The following ROBO2 variants were observed in gnomAD, a reference collection of about 807,000 sequenced individuals.
ROBO2 encodes roundabout homolog 2.
In ROBO2, 53 loss-of-function variants were observed where a neutral mutation model predicts 160.8. The ratio of observed to expected loss-of-function variants is 0.33; its 90% CI spans 0.26 to 0.41. The LOEUF (loss-of-function observed/expected upper bound fraction) is 0.41. Ranked by LOEUF, ROBO2 falls within the 10% of genes least tolerant of loss-of-function variation. The pLI is 1.00. For missense variants in ROBO2, 1,577 were observed against 1,722.4 expected (o/e 0.92, Z 1.49); for synonymous variants, 664 against 611.7 (o/e 1.09, Z -1.26).
intron 2 of ROBO2, among the ~76,000 whole-genome samples, chr3:76,347,692 C>A (rs2074611669): frequency 6.6e-6 from 1 of 151,720 alleles, no homozygotes. Context: ...GGTCATATTT[C>A]ACTCTCCCCT....
At position 76,006,677 on chromosome 3, in the gene ROBO2, T is replaced by A. The variant is rs374582482; in HGVS notation, c.109+69075T>A. Among the ~76,000 whole-genome samples, 5 of 152,132 alleles carry A rather than the reference T, an allele frequency of 3.3e-5. No individual in the cohort carries two copies. In the East Asian group the frequency reaches 7.7e-4, roughly 23 times the overall value. On this transcript the variant is annotated intron_variant, in intron 2 of 26. Coordinates refer to the ROBO2 transcript ENST00000487694. ...ATTAATATTAAAGAGTCTGTAAGAA[T>A]CTAGTTTAGTGCCTGAAATATAGTA...
intron 2 of ROBO2, among the ~76,000 whole-genome samples, chr3:76,084,403 T>A (rs1223235777): frequency 2.6e-5 from 4 of 152,180 alleles, no homozygotes; most frequent in African/African-American, 9.6e-5. Flanking sequence ...GAACCTTATG[T>A]CATTATATCA....
In ROBO2 at chr3:76,392,439, C is replaced by T. The variant is rs139439399; in HGVS notation, c.109+454837C>T. On this transcript the variant is annotated intron_variant, in intron 2 of 26. Transcript: ENST00000487694. ...TAAAAGCTATCATAGACATTAATAA[C>T]GTCACATATAAATTCCTGTTATACT... Among the ~76,000 whole-genome samples the T allele has an allele frequency of 1.3e-3, 191 of 152,180 alleles. 1 individual carries two copies. The highest frequency in any genetic ancestry group is 1.8e-3 in the African/African-American group (73 of 41,538).
chr3:77,537,179 T>C (rs2092172368), intron 6 of ROBO2, among the ~76,000 whole-genome samples: 2 of 151,696 alleles, frequency 1.3e-5, no homozygotes, highest in African/African-American at 2.4e-5. Context: ...CACATGGCAA[T>C]TCAGAAGCCA....
chr3:76,997,273 G>C (rs1188880370), intron 2 of ROBO2, among the ~76,000 whole-genome samples: 1 of 152,082 alleles, frequency 6.6e-6, no homozygotes, highest in Non-Finnish European at 1.5e-5. Context: ...ATTTTAAATT[G>C]ATCTGATAGT....
At chr3:76,048,246 G>A (rs1265091572) in intron 2 of ROBO2, among the ~76,000 whole-genome samples, 1 of 152,148 alleles carries the variant, frequency 6.6e-6, no homozygotes, top group Non-Finnish European at 1.5e-5. Flanking sequence ...CACTTCCTTT[G>A]CACAGTGGGG....
At chr3:76,497,051 C>T (rs997338686) in intron 2 of ROBO2, among the ~76,000 whole-genome samples, 2 of 152,172 alleles carry the variant, frequency 1.3e-5, no homozygotes, top group African/African-American at 4.8e-5. Context: ...CCTTTTGTGG[C>T]TTCTGTCTCC....
intron 2 of ROBO2, among the ~76,000 whole-genome samples, chr3:77,332,783 A>G (rs992719482): frequency 1.3e-5 from 2 of 152,224 alleles, no homozygotes; most frequent in Non-Finnish European, 2.9e-5. Context: ...CTTTAGCTCT[A>G]ATGTATAACA....
At chr3:77,619,222 A>C (rs2094848181) in intron 22 of ROBO2, among the ~76,000 whole-genome samples, 1 of 152,164 alleles carries the variant, frequency 6.6e-6, no homozygotes, top group Non-Finnish European at 1.5e-5. Context: ...CATGTGTAAA[A>C]TGATGGTGAT....
chr3:76,949,545 C>T (rs1316742785), intron 2 of ROBO2, among the ~76,000 whole-genome samples: 1 of 152,170 alleles, frequency 6.6e-6, no homozygotes, highest in Non-Finnish European at 1.5e-5. Context: ...TGTCCAAGAC[C>T]GAAGGGCTTC....
At chr3:75,947,783 A>G (rs1434540958) in intron 2 of ROBO2, among the ~76,000 whole-genome samples, 3 of 152,136 alleles carry the variant, frequency 2.0e-5, no homozygotes, top group African/African-American at 7.2e-5. Context: ...ACTCCCTCAT[A>G]CAAAGATCTT....
chr3:76,722,095 G>A (rs1347781841), intron 2 of ROBO2, among the ~76,000 whole-genome samples: 2 of 152,150 alleles, frequency 1.3e-5, no homozygotes, highest in Non-Finnish European at 2.9e-5. Context: ...GCAGGAAAGA[G>A]TGAACCAACT....
intron 2 of ROBO2, among the ~76,000 whole-genome samples, chr3:76,461,807 T>A (rs1003106990): frequency 6.6e-6 from 1 of 152,212 alleles, no homozygotes. Context: ...CCATCCTTTT[T>A]AAATATTTTT....
intron 2 of ROBO2, among the ~76,000 whole-genome samples, chr3:77,328,336 C>T (rs539574686): frequency 2.0e-5 from 3 of 152,048 alleles, no homozygotes; most frequent in Admixed American, 6.6e-5. Flanking sequence ...AAATTGTGAA[C>T]GGAATTATAT....
chr3:76,998,892 C>T (rs2061181515), intron 2 of ROBO2, among the ~76,000 whole-genome samples: 1 of 152,130 alleles, frequency 6.6e-6, no homozygotes, highest in African/African-American at 2.4e-5. Flanking sequence ...TAGTAAAACA[C>T]TTTTTAATGG....
At chr3:76,593,155 A>G (rs999631272) in intron 2 of ROBO2, among the ~76,000 whole-genome samples, 4 of 152,116 alleles carry the variant, frequency 2.6e-5, no homozygotes, top group Admixed American at 1.3e-4. Flanking sequence ...CATGAATAAT[A>G]CAGTTCCTAA....
rs1425408490 is a variant in ROBO2, at chr3:77,580,232, C to T, written c.2500+114C>T. 4.1e-6 allele frequency: 4 copies of T among 974,568 alleles called. No homozygotes were observed. In the East Asian group the frequency reaches 9.9e-5, roughly 24 times the overall value. 60.4% of individuals were successfully genotyped at this position (974,568 alleles called of 1,614,324 possible). A position where few individuals can be genotyped will look rare whatever the true frequency, so the allele number is the denominator to read the frequency against. ...ATACACTTATGAATGATAGGGTACA[C>T]ATATCATATTGACAAATGGGTTAAC... is the stretch of plus-strand genomic sequence containing the variant. On this transcript the variant is annotated intron_variant, in intron 16 of 25. Transcript: ENST00000461745.
chr3:77,415,027 G>A (rs2077098294), intron 2 of ROBO2, among the ~76,000 whole-genome samples: 1 of 152,108 alleles, frequency 6.6e-6, no homozygotes, highest in Non-Finnish European at 1.5e-5. Context: ...ATATTTTGAG[G>A]ACTGCTCACT....
At chr3:76,949,603 C>T (rs796542402) in intron 2 of ROBO2, among the ~76,000 whole-genome samples, 80 of 151,984 alleles carry the variant, frequency 5.3e-4, no homozygotes, top group African/African-American at 1.7e-3. Flanking sequence ...CCCTATTTCC[C>T]GTGTCCACAG....
Sources: allele counts gnomAD v4.1 joint callset (sites outside exome capture counted in the v4.1 genomes callset), GRCh38; gene constraint gnomAD v4.1.1; transcripts MANE v1.5; gene names NCBI Gene and HGNC (gene_info 2026-07-23, HGNC 2026-07-21).